The following MYOM3 variants were observed in gnomAD, a reference collection of about 807,000 sequenced individuals.
The protein encoded by MYOM3 is myomesin-3.
In MYOM3, 155 loss-of-function variants were observed where a neutral mutation model predicts 191.7. That is an observed-to-expected ratio of 0.81 (90% CI 0.71 to 0.92). MYOM3 has a LOEUF of 0.92. Ranked by LOEUF, MYOM3 falls within the 40% of genes least tolerant of loss-of-function variation. The pLI is 0.00. For synonymous variants in MYOM3, 757 were observed against 762.9 expected, an observed-to-expected ratio of 0.99 and a Z score of 0.13; for missense variants, 1,889 against 1,890.6, an observed-to-expected ratio of 1.00 and a Z score of 0.02.
chr1:24,075,530 C>G, intron 21 of MYOM3, 55 bp from the exon 22 acceptor site: 1 of 1,496,664 alleles, frequency 6.7e-7, no homozygotes, highest in Non-Finnish European at 8.9e-7. Context: ...TAAACCAGGT[C>G]ACACCCCTCC....
At chr1:24,081,222 CAG>C in intron 19 of MYOM3, 106 bp downstream of exon 19, 4 of 1,406,430 alleles carry the variant, frequency 2.8e-6, no homozygotes, top group Non-Finnish European at 3.9e-6. Flanking sequence ...GCAGGACAAA[CAG>C]TGCAAGCCTG....
intron 23 of MYOM3, among the ~76,000 whole-genome samples, chr1:24,073,510 G>T (rs555291500): frequency 6.6e-6 from 1 of 152,220 alleles, no homozygotes; most frequent in South Asian, 2.1e-4. Context: ...CACTTGCACT[G>T]TTGTTTTTTG....
intron 18 of MYOM3, 21 bp downstream of exon 18, chr1:24,081,980 G>T: frequency 6.3e-7 from 1 of 1,596,772 alleles, no homozygotes; most frequent in Non-Finnish European, 8.5e-7. Flanking sequence ...GACACAGGCT[G>T]GGGCCACCTT....
rs1643312151 is a variant in MYOM3, at chr1:24,057,176, AC to A, written c.*187del. The A allele has an allele frequency of 3.2e-6, 2 of 627,886 alleles. No homozygotes were observed. Among genetic ancestry groups the A allele is most frequent in the African/African-American group, 3.7e-5 (2 of 54,358 alleles). The allele number at this position is 627,886 out of a possible 1,614,324, so 38.9% of individuals were successfully genotyped here. ...CCCGCTCTCCTGGAAGCCACTCAGGACCCCAGAAAGATCTTTGCTTCTCCAC... is the reference window on the plus strand; with the variant it reads ...CCCGCTCTCCTGGAAGCCACTCAGGACCCAGAAAGATCTTTGCTTCTCCAC... On this transcript the variant is annotated 3_prime_UTR_variant, in exon 37 of 37. Transcript: ENST00000374434.
chr1:24,057,142 A>G lies in MYOM3; in HGVS notation c.*222T>C. 1.7e-6 allele frequency: 1 copy of G among 571,888 alleles called. No individual in the cohort carries two copies. The highest frequency in any genetic ancestry group is 3.1e-6 in the Non-Finnish European group (1 of 322,242). The allele number at this position is 571,888 out of a possible 1,614,324, so 35.4% of individuals were successfully genotyped here. On this transcript the variant is annotated 3_prime_UTR_variant, in exon 37 of 37. Transcript: ENST00000374434. ...CATCCGGGTCTCCTACTCCAGGTCCAGGGTTCATCCCGCTCTCCTGGAAGC... is the reference window on the plus strand; with the variant it reads ...CATCCGGGTCTCCTACTCCAGGTCCGGGGTTCATCCCGCTCTCCTGGAAGC...
intron 21 of MYOM3, 92 bp downstream of exon 21, chr1:24,076,067 A>G: frequency 1.0e-6 from 1 of 968,114 alleles, no homozygotes; most frequent in Non-Finnish European, 1.6e-6. Context: ...GGCCTAGCAC[A>G]GCATCAGGCT....
chr1:24,068,985 A>C (rs1643490452), intron 25 of MYOM3, among the ~76,000 whole-genome samples: 1 of 152,090 alleles, frequency 6.6e-6, no homozygotes, highest in African/African-American at 2.4e-5. Context: ...CGGCCTCCCA[A>C]AGTGCTGGGA....
At chr1:24,062,972 ACT>A (rs530530891) in intron 32 of MYOM3, among the ~76,000 whole-genome samples, 152 bp downstream of exon 32, 3 of 151,580 alleles carry the variant, frequency 2.0e-5, no homozygotes, top group South Asian at 2.1e-4. Flanking sequence ...CCAGGAAGAG[ACT>A]CTGTCTCTGC....
At chr1:24,057,662 T>A (rs1265278138) in intron 36 of MYOM3, 35 bp from the exon 37 acceptor site, 8 of 1,597,872 alleles carry the variant, frequency 5.0e-6, no homozygotes, top group Non-Finnish European at 6.8e-6. Flanking sequence ...CAGTCTCACC[T>A]CCTTGTAACT....
At chr1:24,064,310 A>G (rs1383823258) in intron 29 of MYOM3, 151 bp from the exon 30 acceptor site, 3 of 595,788 alleles carry the variant, frequency 5.0e-6, no homozygotes, top group Non-Finnish European at 8.8e-6. Flanking sequence ...CCATTTACTC[A>G]TCTGGGCTGG....
chr1:24,099,544 A>G (rs1643896888), intron 6 of MYOM3, 136 bp downstream of exon 6: 2 of 658,392 alleles, frequency 3.0e-6, no homozygotes, highest in South Asian at 3.6e-5. Flanking sequence ...AGGAATCGGT[A>G]TTTTGACCAG....
At chr1:24,079,951 G>A in intron 20 of MYOM3, 65 bp downstream of exon 20, 3 of 1,423,964 alleles carry the variant, frequency 2.1e-6, no homozygotes, top group Non-Finnish European at 2.9e-6. Context: ...GGTCATTCCA[G>A]CTCTGATGCT....
chr1:24,101,222 C>T (rs1018752802), intron 5 of MYOM3, among the ~76,000 whole-genome samples: 6 of 152,138 alleles, frequency 3.9e-5, no homozygotes, highest in Non-Finnish European at 8.8e-5. Context: ...AGGGCTGCCT[C>T]TCCAGTAGTG....
At position 24,076,423 on chromosome 1, in the gene MYOM3, C is replaced by CACCT. The variant is rs546511888; in HGVS notation, c.2587-154_2587-151dup. 145 of 619,996 alleles carry CACCT rather than the reference C, an allele frequency of 2.3e-4. 5 individuals carry two copies. In the South Asian group the frequency reaches 2.5e-3, roughly 11 times the overall value. The allele number at this position is 619,996 out of a possible 1,614,324, so 38.4% of individuals were successfully genotyped here. A position where few individuals can be genotyped will look rare whatever the true frequency, so the allele number is the denominator to read the frequency against. On this transcript the variant is annotated intron_variant, in intron 20 of 36. Coordinates refer to ENST00000374434, the MANE Select transcript of MYOM3 (RefSeq NM_152372.4). ...CCATGTGACAAAGATGGCCATTCAA[C>CACCT]ACCTGGGGATTGTCTTTGCCATTCT...
At chr1:24,080,528 G>A (rs1643653602) in intron 19 of MYOM3, among the ~76,000 whole-genome samples, 1 of 152,186 alleles carries the variant, frequency 6.6e-6, no homozygotes, top group Non-Finnish European at 1.5e-5. Flanking sequence ...AACTTCTAGA[G>A]TCAGACCTCT....
intron 25 of MYOM3, 32 bp downstream of exon 25, chr1:24,071,085 C>A: frequency 1.9e-6 from 3 of 1,604,868 alleles, no homozygotes; most frequent in Non-Finnish European, 2.6e-6. Flanking sequence ...GGCAGGGGAG[C>A]CTCACTTCAG....
intron 36 of MYOM3, among the ~76,000 whole-genome samples, chr1:24,058,042 A>C (rs1643324703): frequency 6.6e-6 from 1 of 152,064 alleles, no homozygotes; most frequent in Non-Finnish European, 1.5e-5. Context: ...CCTGACCTCA[A>C]GTGATCTGCC....
chr1:24,090,763 G>A (rs760561410), intron 12 of MYOM3, 34 bp downstream of exon 12: 2 of 1,607,244 alleles, frequency 1.2e-6, no homozygotes, highest in Admixed American at 3.3e-5. Context: ...CCTGACTGAT[G>A]TTCTAGAAAG....
chr1:24,092,166 C>G lies in MYOM3; in HGVS notation c.1232+8G>C. ...CTAGGGCCTCTGCCACTCACGAGGT[C>G]GACTCACCGCTCAATGGTGTAGGCA... On this transcript the variant is annotated splice_region_variant and intron_variant, in intron 11 of 36. Transcript: ENST00000374434. 1 of 1,449,426 alleles carries G rather than the reference C, an allele frequency of 6.9e-7. No homozygotes were observed. Among genetic ancestry groups the G allele is most frequent in the East Asian group, 2.7e-5 (1 of 37,008 alleles). 89.8% of individuals were successfully genotyped at this position (1,449,426 alleles called of 1,614,324 possible). A position where few individuals can be genotyped will look rare whatever the true frequency, so the allele number is the denominator to read the frequency against.
Sources: gnomAD v4.1 joint callset for allele counts (sites outside exome capture counted in the v4.1 genomes callset) on GRCh38, gnomAD v4.1.1 for gene constraint, MANE v1.5 for transcripts, NCBI Gene and HGNC (gene_info 2026-07-23, HGNC 2026-07-21) for gene names.